The following BANK1 variants were observed in gnomAD, a reference collection of about 807,000 sequenced individuals.
The protein encoded by BANK1 is B cell scaffold protein with ankyrin repeats 1, also known as B-cell scaffold protein with ankyrin repeats.
A neutral mutation model predicts 94.5 loss-of-function variants in BANK1; 95 were observed. The ratio of observed to expected loss-of-function variants is 1.00; its 90% CI spans 0.85 to 1.19. BANK1 has a LOEUF of 1.19. Ranked by LOEUF, BANK1 falls within the 50% of genes most tolerant of loss-of-function variation. The pLI is 0.00. For missense variants in BANK1, 987 were observed against 932.2 expected (o/e 1.06, Z -0.77); for synonymous variants, 334 against 308.4 (o/e 1.08, Z -0.87).
intron 6 of BANK1, among the ~76,000 whole-genome samples, chr4:101,915,849 T>C (rs776616859): frequency 5.9e-5 from 9 of 152,098 alleles, no homozygotes; most frequent in Non-Finnish European, 1.3e-4. Flanking sequence ...AATAGAATTA[T>C]ATGTCTAATC....
intron 5 of BANK1, among the ~76,000 whole-genome samples, chr4:101,875,952 C>T (rs1728474129): frequency 6.6e-6 from 1 of 152,168 alleles, no homozygotes; most frequent in East Asian, 1.9e-4. Context: ...TATCACCCCT[C>T]TCCTAACCCC....
At chr4:101,832,553 G>A (rs766517655) in intron 2 of BANK1, among the ~76,000 whole-genome samples, 1 of 151,958 alleles carries the variant, frequency 6.6e-6, no homozygotes, top group Non-Finnish European at 1.5e-5. Flanking sequence ...ACTTTCATGA[G>A]TTTCTCTTTC....
intron 11 of BANK1, among the ~76,000 whole-genome samples, chr4:102,046,189 G>T (rs1377334626): frequency 6.6e-6 from 1 of 151,708 alleles, no homozygotes; most frequent in Non-Finnish European, 1.5e-5. Context: ...ACAAGCAATG[G>T]GGAAAGGATT....
chr4:102,058,817 A>T (rs73834598), intron 11 of BANK1, among the ~76,000 whole-genome samples: 7,203 of 151,584 alleles, frequency 0.048, 524 homozygotes, highest in African/African-American at 0.16. Flanking sequence ...AGTAAAAAAA[A>T]AATAATAATA....
intron 1 of BANK1, among the ~76,000 whole-genome samples, chr4:101,825,255 A>G (rs897585510): frequency 6.6e-6 from 1 of 152,162 alleles, no homozygotes; most frequent in African/African-American, 2.4e-5. Flanking sequence ...TGCAAAGCCT[A>G]TAATGACAGT....
At chr4:101,874,409 C>T (rs1728410688) in intron 5 of BANK1, among the ~76,000 whole-genome samples, 4 of 152,278 alleles carry the variant, frequency 2.6e-5, no homozygotes, top group Non-Finnish European at 1.5e-5. Context: ...TTCTTCCCAT[C>T]GAGAGATACT....
intron 7 of BANK1, among the ~76,000 whole-genome samples, chr4:101,991,450 G>GT (rs984782404): frequency 6.6e-6 from 1 of 152,106 alleles, no homozygotes; most frequent in Non-Finnish European, 1.5e-5. Context: ...TGTTTTGTTT[G>GT]TTTTTTACTT....
chr4:101,837,130 AT>A (rs1028309160), intron 2 of BANK1, among the ~76,000 whole-genome samples: 1 of 152,120 alleles, frequency 6.6e-6, no homozygotes, highest in East Asian at 1.9e-4. Flanking sequence ...ATTATGTACA[AT>A]TTTTTTTAAA....
chr4:101,889,252 A>G (rs1343397377), intron 5 of BANK1, among the ~76,000 whole-genome samples: 2 of 151,882 alleles, frequency 1.3e-5, no homozygotes, highest in African/African-American at 4.8e-5. Context: ...GTTTGTATTG[A>G]TATCTTTTTT....
At chr4:101,916,001 A>G (rs995153201) in intron 6 of BANK1, among the ~76,000 whole-genome samples, 4 of 152,046 alleles carry the variant, frequency 2.6e-5, no homozygotes, top group Non-Finnish European at 4.4e-5. Context: ...TTCAAATACT[A>G]TTATGAAAGG....
intron 7 of BANK1, among the ~76,000 whole-genome samples, chr4:101,985,422 A>T (rs1035231019): frequency 2.6e-5 from 4 of 152,164 alleles, no homozygotes; most frequent in Non-Finnish European, 1.5e-5. Flanking sequence ...TGGCCTAGGC[A>T]AGTTGATACA....
intron 2 of BANK1, among the ~76,000 whole-genome samples, chr4:101,846,066 C>T (rs894301034): frequency 2.1e-4 from 32 of 151,430 alleles, no homozygotes; most frequent in African/African-American, 7.3e-4. Context: ...TTTCCTGTGT[C>T]CATGTGTTCC....
chr4:101,793,309 A>G (rs1208867360), intron 1 of BANK1, among the ~76,000 whole-genome samples: 2 of 152,168 alleles, frequency 1.3e-5, no homozygotes, highest in African/African-American at 4.8e-5. Context: ...AACGTCCTAC[A>G]CTTGTTCCAC....
chr4:101,790,814 G>A lies in BANK1; in HGVS notation c.-67G>A, dbSNP rs1205356093. 2.0e-6 allele frequency: 3 copies of A among 1,477,322 alleles called. No individual in the cohort carries two copies. The East Asian group carries it at 7.4e-5, about 37-fold the overall frequency. 91.5% of individuals were successfully genotyped at this position (1,477,322 alleles called of 1,614,324 possible). A position where few individuals can be genotyped will look rare whatever the true frequency, so the allele number is the denominator to read the frequency against. ...GAAGAGAAAATCGCGGGGAGTCTCT[G>A]GCCGGGAGAGTCCAGGTAGCGCTCG... On this transcript the variant is annotated 5_prime_UTR_variant, in exon 1 of 17. Coordinates refer to ENST00000322953, the MANE Select transcript of BANK1 (RefSeq NM_017935.5).
intron 6 of BANK1, among the ~76,000 whole-genome samples, chr4:101,910,684 AC>A (rs1455005310): frequency 7.6e-6 from 1 of 131,184 alleles, no homozygotes; most frequent in Non-Finnish European, 1.6e-5. Flanking sequence ...ACAGAGCTAG[AC>A]TCCGTCTCGA....
intron 6 of BANK1, among the ~76,000 whole-genome samples, chr4:101,899,915 T>C (rs1722218870): frequency 6.6e-6 from 1 of 152,214 alleles, no homozygotes; most frequent in Non-Finnish European, 1.5e-5. Context: ...GCATAGGCAA[T>C]GTGCTATCCT....
Position 101,885,819 on chromosome 4 carries a change from A to G in BANK1, c.904-9486A>G, listed in dbSNP as rs559227279. 7.2e-5 allele frequency among the ~76,000 whole-genome samples: 11 copies of G among 152,308 alleles called. No individual in the cohort carries two copies. In the South Asian group the frequency reaches 2.3e-3, roughly 32 times the overall value. ...TGTGCAAACATCACTCAGTGTACTT[A>G]TCCAAACCTAGGCTAGGAGTATAGC... On this transcript the variant is annotated intron_variant, in intron 5 of 16. Transcript: ENST00000322953.
Position 101,867,753 on chromosome 4 carries a change from A to T in BANK1, c.764-2752A>T, listed in dbSNP as rs570191759. 2.8e-3 allele frequency among the ~76,000 whole-genome samples: 384 copies of T among 138,318 alleles called. 1 individual carries two copies. Among genetic ancestry groups the T allele is most frequent in the Non-Finnish European group, 4.2e-3 (269 of 64,092 alleles). The allele number at this position is 138,318 out of a possible 152,430, so 90.7% of individuals were successfully genotyped here. A position where few individuals can be genotyped will look rare whatever the true frequency, so the allele number is the denominator to read the frequency against. The stretch of plus-strand genomic sequence containing the variant: ...GTACCCTAAAACTTAAAGTATAATT[A>T]AAAAAAATAAATATAAATAAATAAA... On this transcript the variant is annotated intron_variant, in intron 4 of 16. Transcript: ENST00000322953.
At chr4:101,936,857 T>C (rs1345565611) in intron 7 of BANK1, among the ~76,000 whole-genome samples, 1 of 151,562 alleles carries the variant, frequency 6.6e-6, no homozygotes, top group African/African-American at 2.4e-5. Flanking sequence ...ACACTGTTGG[T>C]GGGAATGTAG....
Sources: gnomAD v4.1 joint callset for allele counts (sites outside exome capture counted in the v4.1 genomes callset) on GRCh38, gnomAD v4.1.1 for gene constraint, MANE v1.5 for transcripts, NCBI Gene and HGNC (gene_info 2026-07-23, HGNC 2026-07-21) for gene names.